Variants in CNOT11 observed in about 807,000 individuals in gnomAD.
CNOT11 encodes UPF0760 protein C2orf29.
CNOT11 carries 18 observed loss-of-function variants against 44.6 expected under a neutral mutation model. The ratio of observed to expected loss-of-function variants is 0.40; its 90% CI spans 0.28 to 0.60. The LOEUF is 0.60. CNOT11 is among the 20% of genes least tolerant of loss of function. CNOT11 has a pLI of 0.38. For missense variants in CNOT11, 513 were observed against 677.0 expected (o/e 0.76, Z 2.69); for synonymous variants, 291 against 270.9 (o/e 1.07, Z -0.73).
chr2:101,269,128 TATATGC>T lies in CNOT11; in HGVS notation c.1329_1334del (p.Tyr443_Gln445delinsTer). The T allele has an allele frequency of 6.3e-7, 1 of 1,598,584 alleles. No homozygotes were observed. The highest frequency in any genetic ancestry group is 8.5e-7 in the Non-Finnish European group (1 of 1,169,886). On this transcript the variant is annotated stop_gained and inframe_deletion and splice_region_variant, in exon 6 of 7. Coordinates refer to ENST00000289382, the MANE Select transcript of CNOT11 (RefSeq NM_017546.5). LOFTEE classifies it high-confidence loss of function. The surrounding 1 kb of genome is among the most constrained non-coding windows in gnomAD (Gnocchi z 4.8). ...TACTTGTGAACAGATTAAGGATAAA[TATATGC>T]AGGTAATATAAATTTTTGTAAATTT...
At chr2:101,259,946 G>T (rs1368423262) in intron 2 of CNOT11, among the ~76,000 whole-genome samples, 1 of 152,106 alleles carries the variant, frequency 6.6e-6, no homozygotes, top group Non-Finnish European at 1.5e-5. Flanking sequence ...CTACCCAGGA[G>T]GCTGACATAA....
Position 101,253,140 on chromosome 2 carries a change from G to C in CNOT11, c.176G>C (p.Gly59Ala). 4 of 1,559,508 alleles carry C rather than the reference G, an allele frequency of 2.6e-6. No homozygotes were observed. The highest frequency in any genetic ancestry group is 2.6e-6 in the Non-Finnish European group (3 of 1,159,286). ...SGSGGPGGPA[G>A]RMSLTPKELS... ...AGCGGAGGCCCGGGGGGCCCCGCGG[G>C]CAGGATGAGCTTGACCCCGAAGGAG... Residue 59 changes from glycine to alanine, a missense_variant, in exon 1 of 7, where the codon GGC (glycine) becomes GCC (alanine). Around this residue, in one of 4 missense-constraint regions of CNOT11, gnomAD observed 259 missense variants for 265.7 expected, o/e 0.97. Transcript: ENST00000289382. This position sits in a 1 kb window ranked among gnomAD's most constrained non-coding sequence, Gnocchi z 4.3.
At chr2:101,264,758 C>T in intron 3 of CNOT11, 87 bp from the exon 4 acceptor site, 1 of 1,048,722 alleles carries the variant, frequency 9.5e-7, no homozygotes, top group Non-Finnish European at 1.5e-6. Flanking sequence ...TAAGAGATTT[C>T]TTTGCATACT....
chr2:101,263,646 A>G (rs150129634), intron 3 of CNOT11, among the ~76,000 whole-genome samples: 179 of 152,358 alleles, frequency 1.2e-3, no homozygotes, highest in African/African-American at 4.1e-3. Flanking sequence ...TATCACCATG[A>G]GTTTGAAGTT....
At chr2:101,268,417 T>C (rs1420076478) in intron 5 of CNOT11, among the ~76,000 whole-genome samples, 1 of 152,220 alleles carries the variant, frequency 6.6e-6, no homozygotes, top group African/African-American at 2.4e-5. Flanking sequence ...CTGCTCAGTA[T>C]CTTGGAATTC....
At chr2:101,261,922 C>T (rs1483054151) in intron 2 of CNOT11, among the ~76,000 whole-genome samples, 4 of 148,174 alleles carry the variant, frequency 2.7e-5, no homozygotes, top group African/African-American at 9.9e-5. Context: ...TCTTGGCTCA[C>T]TGCAAGCTCC....
At chr2:101,259,236 T>G (rs533314062) in intron 2 of CNOT11, among the ~76,000 whole-genome samples, 1 of 152,342 alleles carries the variant, frequency 6.6e-6, no homozygotes, top group South Asian at 2.1e-4. Context: ...TTCCATTCTA[T>G]TTGTCTATAT....
chr2:101,265,726 G>A (rs1196814811), intron 4 of CNOT11, among the ~76,000 whole-genome samples: 3 of 152,148 alleles, frequency 2.0e-5, no homozygotes, highest in African/African-American at 7.2e-5. Context: ...CTGACAGGCT[G>A]TAGGGAGGAA....
intron 2 of CNOT11, among the ~76,000 whole-genome samples, chr2:101,261,432 T>C (rs948926825): frequency 1.4e-4 from 22 of 152,238 alleles, no homozygotes; most frequent in Non-Finnish European, 2.4e-4. Flanking sequence ...ACCTTCACAC[T>C]GTGGAGTACC....
chr2:101,255,820 T>C (rs1681725228), intron 1 of CNOT11, among the ~76,000 whole-genome samples: 1 of 151,870 alleles, frequency 6.6e-6, no homozygotes, highest in Non-Finnish European at 1.5e-5. Context: ...AGGGCAGGAG[T>C]AGCTCTGCCA....
chr2:101,265,656 G>A (rs1218525568), intron 4 of CNOT11, among the ~76,000 whole-genome samples: 5 of 152,172 alleles, frequency 3.3e-5, no homozygotes, highest in South Asian at 2.1e-4. Flanking sequence ...TGTACAGTGG[G>A]ACACTACACA....
At position 101,269,227 on chromosome 2, in the gene CNOT11, G is replaced by T. The variant is rs1289581638; in HGVS notation, c.1347G>T (p.Val449=). 2.5e-6 allele frequency: 4 copies of T among 1,612,026 alleles called. No individual in the cohort carries two copies. The highest frequency in any genetic ancestry group is 4.5e-5 in the East Asian group (2 of 44,846). ...IKDKYMQNRL[V]RLVCVFLQSL... ...TTTTCCTTTTTCAGAATCGGTTGGT[G>T]CGTCTTGTGTGTGTGTTTCTCCAAT... is the stretch of plus-strand genomic sequence containing the variant. Residue 449 remains valine (V), a synonymous_variant, in exon 7 of 7, where the codon GTG becomes GTT. Transcript: ENST00000289382. This position sits in a 1 kb window ranked among gnomAD's most constrained non-coding sequence, Gnocchi z 4.8.
At position 101,266,899 on chromosome 2, in the gene CNOT11, C is replaced by A; in HGVS notation, c.1238+20C>A. On this transcript the variant is annotated intron_variant, in intron 5 of 6. Coordinates refer to ENST00000289382, the MANE Select transcript of CNOT11 (RefSeq NM_017546.5). ...AAATCGGTAAGTTTCTAGATTTGAT[C>A]AAATGTGTGGGGATAGATACAGATT... The A allele has an allele frequency of 6.3e-7, 1 of 1,575,076 alleles. No homozygotes were observed. Among genetic ancestry groups the A allele is most frequent in the Non-Finnish European group, 8.7e-7 (1 of 1,145,134 alleles).
Position 101,252,943 on chromosome 2 carries a change from G to A in CNOT11, c.-22G>A. 2 of 1,425,354 alleles carry A rather than the reference G, an allele frequency of 1.4e-6. No individual in the cohort carries two copies. The highest frequency in any genetic ancestry group is 2.5e-4 in the Middle Eastern group (1 of 3,956). 88.3% of individuals were successfully genotyped at this position (1,425,354 alleles called of 1,614,324 possible). A position where few individuals can be genotyped will look rare whatever the true frequency, so the allele number is the denominator to read the frequency against. ...GCGCCAGGGCCCCTCGGGCCGGGAA[G>A]AGGGGAAGGGGAGCGAGGTTGATGC... is the stretch of plus-strand genomic sequence containing the variant. On this transcript the variant is annotated 5_prime_UTR_variant, in exon 1 of 7. Transcript: ENST00000289382.
chr2:101,265,785 G>C (rs1176648361), intron 4 of CNOT11, among the ~76,000 whole-genome samples: 1 of 152,094 alleles, frequency 6.6e-6, no homozygotes. Flanking sequence ...CTGGATCGTG[G>C]TGTATTTGAG....
In CNOT11 at chr2:101,253,105, CGGGTCCGGGAGCGGAGGCCCG is replaced by C. The variant is rs1558765382; in HGVS notation, c.145_165del (p.Ser49_Gly55del). ...GCGGCAGAGGCGGAGCAAGCGGCCC[CGGGTCCGGGAGCGGAGGCCCG>C]GGGGGCCCCGCGGGCAGGATGAGCT... On this transcript the variant is annotated inframe_deletion, in exon 1 of 7. Coordinates refer to ENST00000289382, the MANE Select transcript of CNOT11 (RefSeq NM_017546.5). The surrounding 1 kb of genome is among the most constrained non-coding windows in gnomAD (Gnocchi z 4.3). The C allele has an allele frequency of 6.6e-7, 1 of 1,518,470 alleles. No individual in the cohort carries two copies. The allele number at this position is 1,518,470 out of a possible 1,614,324, so 94.1% of individuals were successfully genotyped here. A position where few individuals can be genotyped will look rare whatever the true frequency, so the allele number is the denominator to read the frequency against.
rs886524446 is a variant in CNOT11 at position 101,269,688 on chromosome 2, C to T, written c.*275C>T. 2.9e-5 allele frequency: 8 copies of T among 274,810 alleles called. No homozygotes were observed. Among genetic ancestry groups the T allele is most frequent in the African/African-American group, 9.0e-5 (4 of 44,546 alleles). 17.0% of individuals were successfully genotyped at this position (274,810 alleles called of 1,614,324 possible). A position where few individuals can be genotyped will look rare whatever the true frequency, so the allele number is the denominator to read the frequency against. On this transcript the variant is annotated 3_prime_UTR_variant, in exon 7 of 7. Transcript: ENST00000289382. The surrounding 1 kb of genome is among the most constrained non-coding windows in gnomAD (Gnocchi z 4.8). Reference sequence around the variant, plus strand: ...GTTCCGCAAAAAAGTAGATGAGTTTCTTTTTTTTTTAAGCACTAAAGAACA... The same window carrying T: ...GTTCCGCAAAAAAGTAGATGAGTTTTTTTTTTTTTTAAGCACTAAAGAACA...
intron 2 of CNOT11, 35 bp from the exon 3 acceptor site, chr2:101,262,504 G>T: frequency 1.2e-6 from 2 of 1,605,410 alleles, no homozygotes; most frequent in Non-Finnish European, 1.7e-6. Context: ...CTCTCCTCAT[G>T]ATGTCCATAA....
In CNOT11 at chr2:101,253,776, G is replaced by C. The variant is rs1418936795; in HGVS notation, c.514+298G>C. 6.6e-6 allele frequency among the ~76,000 whole-genome samples: 1 copy of C among 152,174 alleles called. No homozygotes were observed. Among genetic ancestry groups the C allele is most frequent in the African/African-American group, 2.4e-5 (1 of 41,430 alleles). The stretch of plus-strand genomic sequence containing the variant: ...ATGTTTAGTGTCTCAAATACGGTTC[G>C]TTCTTCGAAAACCCGTCTGTGGTGT... On this transcript the variant is annotated intron_variant, in intron 1 of 6. Transcript: ENST00000289382. The surrounding 1 kb of genome is among the most constrained non-coding windows in gnomAD (Gnocchi z 4.3).
Sources: allele counts gnomAD v4.1 joint callset (sites outside exome capture counted in the v4.1 genomes callset), GRCh38; gene constraint gnomAD v4.1.1; regional missense constraint gnomAD v4.1.1; non-coding constraint Gnocchi (gnomAD v3.1); transcripts MANE v1.5; gene names NCBI Gene and HGNC (gene_info 2026-07-23, HGNC 2026-07-21).